KIRREL3: variants seen among roughly 807,000 people sequenced by gnomAD.
KIRREL3 encodes the protein kin of IRRE-like protein 3.
KIRREL3 carries 36 observed loss-of-function variants against 89.7 expected under a neutral mutation model. That is an observed-to-expected ratio of 0.40 (90% CI 0.31 to 0.53). The LOEUF is 0.53. Ranked by LOEUF, KIRREL3 falls within the 20% of genes least tolerant of loss-of-function variation. The pLI is 0.49. For synonymous variants in KIRREL3, 445 were observed against 441.4 expected (o/e 1.01, Z -0.10); for missense variants, 864 against 1,056.6 (o/e 0.82, Z 2.53).
In KIRREL3 at chr11:126,970,303, C is replaced by T. The variant is rs1472980337; in HGVS notation, c.55+30152G>A. On this transcript the variant is annotated intron_variant, in intron 1 of 16. Coordinates refer to ENST00000525144, the MANE Select transcript of KIRREL3 (RefSeq NM_032531.4). The surrounding 1 kb of genome is among the most constrained non-coding windows in gnomAD (Gnocchi z 4.4). ...TTTCTCAGGAAGTTCTCTTCTTTTC[C>T]TTCTTTTCTTCCCTTTCTTTTCTCT... Among the ~76,000 whole-genome samples the T allele has an allele frequency of 6.6e-6, 1 of 151,854 alleles. No homozygotes were observed. The highest frequency in any genetic ancestry group is 2.4e-5 in the African/African-American group (1 of 41,310).
intron 1 of KIRREL3, among the ~76,000 whole-genome samples, chr11:126,741,961 C>T (rs969265828): frequency 6.6e-6 from 1 of 152,278 alleles, no homozygotes; most frequent in South Asian, 2.1e-4. Flanking sequence ...CTTAACTCCA[C>T]CACTCAGCAT....
intron 1 of KIRREL3, among the ~76,000 whole-genome samples, chr11:126,625,616 C>A (rs1003153197): frequency 2.0e-5 from 3 of 152,194 alleles, no homozygotes; most frequent in African/African-American, 7.2e-5. Flanking sequence ...ATCTCTCCCC[C>A]AAGCCTGCAG....
rs1951051485 is a variant in KIRREL3 at position 126,802,005 on chromosome 11, A to T, written c.55+198450T>A. Among the ~76,000 whole-genome samples, 1 of 152,168 alleles carries T rather than the reference A, an allele frequency of 6.6e-6. No individual in the cohort carries two copies. The highest frequency in any genetic ancestry group is 1.5e-5 in the Non-Finnish European group (1 of 68,020). On this transcript the variant is annotated intron_variant, in intron 1 of 16. Coordinates refer to ENST00000525144, the MANE Select transcript of KIRREL3 (RefSeq NM_032531.4). The surrounding 1 kb of genome is among the most constrained non-coding windows in gnomAD (Gnocchi z 5.2). ...GTAAGATTTCACCTCACTGTCTCCAAACACCCCCAAATCAGTTGGTTGAAA... is the reference window on the plus strand; with the variant it reads ...GTAAGATTTCACCTCACTGTCTCCATACACCCCCAAATCAGTTGGTTGAAA...
Position 126,425,653 on chromosome 11 carries a change from CTCTT to C in KIRREL3, c.1874_1877del (p.Lys625SerfsTer5), listed in dbSNP as rs769009970. The C allele has an allele frequency of 1.3e-6, 2 of 1,589,212 alleles. No individual in the cohort carries two copies. The highest frequency in any genetic ancestry group is 1.8e-5 in the Admixed American group (1 of 56,830). On this transcript the variant is annotated frameshift_variant, in exon 16 of 17. Transcript: ENST00000525144. LOFTEE classifies it high-confidence loss of function. The stretch of plus-strand genomic sequence containing the variant: ...CCCTTCTTACCTTCAGGTTCTGAAA[CTCTT>C]TCTCCTCTTCTTTGAGGACCTCCAG...
Position 126,572,779 on chromosome 11 carries a change from T to G in KIRREL3, c.56-9867A>C, listed in dbSNP as rs552034240. On this transcript the variant is annotated intron_variant, in intron 1 of 16. Transcript: ENST00000525144. ...GCAGGCAGCAGGGGCGGGGCTGCTA[T>G]TTAGTGATGGGCTTACAAACCTTCT... Among the ~76,000 whole-genome samples the G allele has an allele frequency of 2.6e-5, 4 of 152,272 alleles. No homozygotes were observed. The South Asian group carries it at 8.3e-4, about 32-fold the overall frequency.
chr11:126,550,879 C>A lies in KIRREL3; in HGVS notation c.133+11956G>T, dbSNP rs1327168874. The stretch of plus-strand genomic sequence containing the variant: ...TCCAATTCAATTCTGACACTGTCTA[C>A]CTGGAGATAGTGTCAGATCCCACAG... On this transcript the variant is annotated intron_variant, in intron 2 of 16. Coordinates refer to ENST00000525144, the MANE Select transcript of KIRREL3 (RefSeq NM_032531.4). This position sits in a 1 kb window ranked among gnomAD's most constrained non-coding sequence, Gnocchi z 4.9. Among the ~76,000 whole-genome samples the A allele has an allele frequency of 6.6e-6, 1 of 152,166 alleles. No individual in the cohort carries two copies. The highest frequency in any genetic ancestry group is 1.9e-4 in the East Asian group (1 of 5,178).
At chr11:126,765,898 T>C (rs574985227) in intron 1 of KIRREL3, among the ~76,000 whole-genome samples, 1 of 152,286 alleles carries the variant, frequency 6.6e-6, no homozygotes, top group South Asian at 2.1e-4. Flanking sequence ...ATTTGCTACC[T>C]GGGCAAGGAA....
intron 1 of KIRREL3, among the ~76,000 whole-genome samples, chr11:126,854,126 T>TTGTGTGTG (rs375873911): frequency 0.064 from 9,260 of 143,888 alleles, 346 homozygotes; most frequent in African/African-American, 0.088. Flanking sequence ...AATAAGTTTC[T>TTGTGTGTG]TGTGTGTGTG....
rs369096050 is a variant in KIRREL3 at position 126,771,597 on chromosome 11, G to C, written c.56-208685C>G. Reference sequence around the variant, plus strand: ...CGAAATAGTTTTACCAGGGCAGGGAGACACTGTCTTTCACATTCAGTGCTG... The same window carrying C: ...CGAAATAGTTTTACCAGGGCAGGGACACACTGTCTTTCACATTCAGTGCTG... On this transcript the variant is annotated intron_variant, in intron 1 of 16. Transcript: ENST00000525144. This position sits in a 1 kb window ranked among gnomAD's most constrained non-coding sequence, Gnocchi z 4.4. 6.6e-6 allele frequency among the ~76,000 whole-genome samples: 1 copy of C among 152,198 alleles called. No individual in the cohort carries two copies. The highest frequency in any genetic ancestry group is 2.4e-5 in the African/African-American group (1 of 41,440).
chr11:126,935,441 T>G (rs1208856296), intron 1 of KIRREL3: 1 of 152,238 alleles, frequency 6.6e-6, no homozygotes, highest in Admixed American at 6.5e-5. Context: ...TTTATAGTAT[T>G]TTCATTCACG....
chr11:126,650,323 C>T (rs1159200853), intron 1 of KIRREL3, among the ~76,000 whole-genome samples: 1 of 152,212 alleles, frequency 6.6e-6, no homozygotes, highest in East Asian at 1.9e-4. Flanking sequence ...TGTATTTTTC[C>T]TCAGAAAATG....
chr11:126,857,518 C>T (rs1288588291), intron 1 of KIRREL3, among the ~76,000 whole-genome samples: 1 of 152,172 alleles, frequency 6.6e-6, no homozygotes, highest in Non-Finnish European at 1.5e-5. Context: ...GGCATCATCC[C>T]TGTCTCTATT....
chr11:126,434,972 T>C (rs1955262491), intron 13 of KIRREL3, among the ~76,000 whole-genome samples: 1 of 151,940 alleles, frequency 6.6e-6, no homozygotes. Flanking sequence ...TCAGGGCTCC[T>C]GAAGAGAAAG....
intron 7 of KIRREL3, among the ~76,000 whole-genome samples, chr11:126,450,429 ATG>A (rs1426458370): frequency 6.0e-5 from 7 of 117,116 alleles, no homozygotes; most frequent in Non-Finnish European, 8.9e-5. Context: ...GTGGGCATGT[ATG>A]TGTCCATGTG....
At chr11:126,660,470 T>G (rs2135011208) in intron 1 of KIRREL3, among the ~76,000 whole-genome samples, 1 of 152,302 alleles carries the variant, frequency 6.6e-6, no homozygotes, top group African/African-American at 2.4e-5. Flanking sequence ...ATCTGCTATT[T>G]TGGATCGTCT....
chr11:126,499,147 G>A (rs1281831662), intron 4 of KIRREL3, among the ~76,000 whole-genome samples: 1 of 25,366 alleles, frequency 3.9e-5, no homozygotes, highest in African/African-American at 2.1e-4. Context: ...GCAAGACTCC[G>A]TTTCAAAAAA....
At chr11:126,952,440 C>G (rs1421822056) in intron 1 of KIRREL3, among the ~76,000 whole-genome samples, 1 of 149,226 alleles carries the variant, frequency 6.7e-6, no homozygotes, top group East Asian at 1.9e-4. Flanking sequence ...TTGTTTTTTT[C>G]TGGTAAATTT....
intron 1 of KIRREL3, among the ~76,000 whole-genome samples, chr11:126,921,402 T>TAC (rs1947275091): frequency 1.1e-5 from 1 of 88,428 alleles, no homozygotes; most frequent in Non-Finnish European, 2.8e-5. Context: ...TATCTATCTA[T>TAC]CTATCTATCT....
intron 2 of KIRREL3, among the ~76,000 whole-genome samples, chr11:126,534,254 T>TA (rs1959032107): frequency 8.2e-6 from 1 of 122,650 alleles, no homozygotes; most frequent in Non-Finnish European, 1.7e-5. Flanking sequence ...GCAAGGGGGC[T>TA]ACTGGGGTGG....
Sources: gnomAD v4.1 joint callset for allele counts (sites outside exome capture counted in the v4.1 genomes callset) on GRCh38, gnomAD v4.1.1 for gene constraint, Gnocchi (gnomAD v3.1) non-coding constraint, MANE v1.5 for transcripts, NCBI Gene and HGNC (gene_info 2026-07-23, HGNC 2026-07-21) for gene names.